NDST4: variants seen among roughly 807,000 people sequenced by gnomAD.
NDST4 encodes N-deacetylase and N-sulfotransferase 4.
A neutral mutation model predicts 100.8 loss-of-function variants in NDST4; 63 were observed. The ratio of observed to expected loss-of-function variants is 0.62; its 90% confidence interval spans 0.51 to 0.77. The LOEUF (loss-of-function observed/expected upper bound fraction) is 0.77, where lower values mean the gene tolerates loss of function less well. Ranked by LOEUF, NDST4 falls within the 30% of genes least tolerant of loss-of-function variation. The pLI is 0.00. For missense variants in NDST4, 943 were observed against 1,018.4 expected (o/e 0.93, Z 1.01); for synonymous variants, 377 against 361.8 (o/e 1.04, Z -0.48).
intron 2 of NDST4, among the ~76,000 whole-genome samples, chr4:115,029,498 C>G (rs1054508611): frequency 6.6e-5 from 10 of 152,076 alleles, no homozygotes; most frequent in African/African-American, 2.4e-4. Flanking sequence ...TCTGATGAGA[C>G]TGGGCCAGGT....
chr4:115,055,515 C>T (rs1338477714), intron 2 of NDST4, among the ~76,000 whole-genome samples: 1 of 151,942 alleles, frequency 6.6e-6, no homozygotes, highest in African/African-American at 2.4e-5. Context: ...ATGTATAAAT[C>T]ATTTTGTTGT....
chr4:114,893,462 T>C (rs938228206), intron 6 of NDST4, among the ~76,000 whole-genome samples: 2 of 152,174 alleles, frequency 1.3e-5, no homozygotes, highest in South Asian at 2.1e-4. Context: ...TGGTTTCTCA[T>C]TGTGGTTTTG....
chr4:114,964,933 CCTT>C (rs1215769374), intron 4 of NDST4, among the ~76,000 whole-genome samples: 1 of 150,936 alleles, frequency 6.6e-6, no homozygotes, highest in Non-Finnish European at 1.5e-5. Flanking sequence ...TACAGAATTT[CCTT>C]CTTTTTTCAA....
intron 6 of NDST4, among the ~76,000 whole-genome samples, chr4:114,903,637 C>G (rs770453207): frequency 2.0e-5 from 3 of 151,962 alleles, no homozygotes; most frequent in Non-Finnish European, 4.4e-5. Flanking sequence ...AGAGCTCTAA[C>G]AAAAGTTGTT....
intron 1 of NDST4, among the ~76,000 whole-genome samples, chr4:115,082,067 C>A (rs916432338): frequency 3.9e-5 from 6 of 152,178 alleles, no homozygotes; most frequent in East Asian, 1.9e-4. Context: ...ATGACCCCTG[C>A]ACAGGCTTTG....
At chr4:114,999,799 C>T (rs6853328) in intron 2 of NDST4, among the ~76,000 whole-genome samples, 1,807 of 151,880 alleles carry the variant, frequency 0.012, 38 homozygotes, top group African/African-American at 0.04. Flanking sequence ...GAATTATTGT[C>T]GTAAAGGCTG....
chr4:115,074,082 A>G (rs958783217), intron 2 of NDST4, among the ~76,000 whole-genome samples: 1 of 151,956 alleles, frequency 6.6e-6, no homozygotes, highest in African/African-American at 2.4e-5. Flanking sequence ...ATATAATTCT[A>G]TCCATATGAA....
At chr4:114,933,857 A>G (rs1725568075) in intron 6 of NDST4, among the ~76,000 whole-genome samples, 1 of 152,176 alleles carries the variant, frequency 6.6e-6, no homozygotes, top group African/African-American at 2.4e-5. Flanking sequence ...GAAAGATAAC[A>G]AAGTTGGCGA....
chr4:114,941,999 GTAAAACACTGCTCAA>G (rs1450466725), intron 4 of NDST4, among the ~76,000 whole-genome samples: 1 of 152,126 alleles, frequency 6.6e-6, no homozygotes, highest in African/African-American at 2.4e-5. Context: ...GAAAAATTTG[GTAAAACACTGCTCAA>G]TACTTATCCA....
chr4:115,084,887 C>T (rs571294049), intron 1 of NDST4, among the ~76,000 whole-genome samples: 41 of 151,458 alleles, frequency 2.7e-4, no homozygotes, highest in African/African-American at 9.7e-4. Flanking sequence ...ACCCCCCCCA[C>T]AGTCCCTACT....
chr4:115,023,392 G>A (rs577814155), intron 2 of NDST4, among the ~76,000 whole-genome samples: 1 of 151,590 alleles, frequency 6.6e-6, no homozygotes, highest in Non-Finnish European at 1.5e-5. Context: ...GGCTGAGGCA[G>A]GAGAATCACT....
intron 1 of NDST4, among the ~76,000 whole-genome samples, chr4:115,078,823 G>C (rs185334072): frequency 2.0e-5 from 3 of 151,964 alleles, no homozygotes; most frequent in African/African-American, 7.2e-5. Context: ...CTGGGCAATA[G>C]AGCAAAACTC....
chr4:114,854,758 C>T (rs1244430461), intron 7 of NDST4, among the ~76,000 whole-genome samples: 2 of 152,020 alleles, frequency 1.3e-5, no homozygotes, highest in African/African-American at 2.4e-5. Context: ...ATGAGCCCGA[C>T]CAATTTCCTT....
chr4:115,107,211 A>G (rs2110346229), intron 1 of NDST4, among the ~76,000 whole-genome samples: 1 of 152,226 alleles, frequency 6.6e-6, no homozygotes, highest in Admixed American at 6.5e-5. Flanking sequence ...AGTCTGTGAG[A>G]AAAAAATTTA....
chr4:115,003,156 T>C (rs758598764), intron 2 of NDST4, among the ~76,000 whole-genome samples: 2 of 152,112 alleles, frequency 1.3e-5, no homozygotes, highest in Non-Finnish European at 2.9e-5. Context: ...AGATGACAGG[T>C]TGATGGGTGC....
At chr4:114,986,803 T>C (rs1165967295) in intron 2 of NDST4, among the ~76,000 whole-genome samples, 2 of 28,054 alleles carry the variant, frequency 7.1e-5, no homozygotes, top group Non-Finnish European at 1.6e-4. Flanking sequence ...CATATATATA[T>C]ATATATATAT....
chr4:115,043,439 A>C (rs1323459481), intron 2 of NDST4, among the ~76,000 whole-genome samples: 2 of 152,088 alleles, frequency 1.3e-5, no homozygotes, highest in Non-Finnish European at 2.9e-5. Flanking sequence ...TATTTGTATA[A>C]ATGATGCACT....
chr4:114,960,718 A>G (rs1319869218), intron 4 of NDST4, among the ~76,000 whole-genome samples: 2 of 152,136 alleles, frequency 1.3e-5, no homozygotes, highest in African/African-American at 4.8e-5. Flanking sequence ...GTGTAAATGC[A>G]GTATATTTTT....
chr4:114,873,886 C>T (rs1326958960), intron 6 of NDST4, among the ~76,000 whole-genome samples: 1 of 152,046 alleles, frequency 6.6e-6, no homozygotes, highest in Non-Finnish European at 1.5e-5. Context: ...AAATCTACCA[C>T]CTGCCTTCTT....
Sources: allele counts gnomAD v4.1 joint callset (sites outside exome capture counted in the v4.1 genomes callset), GRCh38; gene constraint gnomAD v4.1.1; transcripts MANE v1.5; gene names NCBI Gene and HGNC (gene_info 2026-07-23, HGNC 2026-07-21).